DAB1: variants seen among roughly 807,000 people sequenced by gnomAD.
DAB1 encodes the protein disabled homolog 1.
A neutral mutation model predicts 64.6 loss-of-function variants in DAB1; 15 were observed. The observed-to-expected ratio is 0.23, with a 90% CI of 0.16 to 0.36. The LOEUF is 0.36. Ranked by LOEUF, DAB1 falls within the 10% of genes least tolerant of loss-of-function variation. The probability of loss-of-function intolerance (pLI) is 1.00; values close to 1 mark genes in which losing one functional copy is unlikely to be tolerated. For missense variants in DAB1, 596 were observed against 706.7 expected (o/e 0.84, Z 1.78); for synonymous variants, 235 against 251.9 (o/e 0.93, Z 0.64).
At position 57,868,519 on chromosome 1, in the gene DAB1, T is replaced by C. The variant is rs77696500; in HGVS notation, n.87+15480A>G. On this transcript the variant is annotated intron_variant and non_coding_transcript_variant, in intron 1 of 1. Transcript: ENST00000477280. ...CATTACGTTGGAGTTACTGACCTCT[T>C]AGGGCAGACAATTATGTGGTGTGGA... 5.1e-3 allele frequency among the ~76,000 whole-genome samples: 774 copies of C among 152,266 alleles called. 4 individuals are homozygous for C. The highest frequency in any genetic ancestry group is 0.017 in the African/African-American group (692 of 41,566).
intron 3 of DAB1, among the ~76,000 whole-genome samples, chr1:58,351,736 G>A (rs370356090): frequency 6.6e-6 from 1 of 151,188 alleles, no homozygotes; most frequent in Middle Eastern, 3.4e-3. Context: ...TAACAAAAAG[G>A]AAAATTTCAG....
intron 3 of DAB1, among the ~76,000 whole-genome samples, chr1:58,349,127 T>C (rs1255285927): frequency 6.6e-6 from 1 of 152,222 alleles, no homozygotes; most frequent in Non-Finnish European, 1.5e-5. Context: ...GACATCAGGA[T>C]GCTGATCACT....
intron 2 of DAB1, among the ~76,000 whole-genome samples, chr1:58,522,851 T>C (rs561982195): frequency 6.6e-6 from 1 of 152,336 alleles, no homozygotes; most frequent in East Asian, 1.9e-4. Flanking sequence ...AAGTGGATCA[T>C]CATAAATGTC....
rs1250384927 is a variant in DAB1 at position 58,249,314 on chromosome 1, C to T, written n.309+94038G>A. Among the ~76,000 whole-genome samples, 4 of 152,100 alleles carry T rather than the reference C, an allele frequency of 2.6e-5. 1 individual carries two copies. In the South Asian group the frequency reaches 8.3e-4, roughly 32 times the overall value. On this transcript the variant is annotated intron_variant and non_coding_transcript_variant, in intron 4 of 20. Coordinates refer to the DAB1 transcript ENST00000485760. ...CCTATCTTTTCGGAACAGCTCCCCC[C>T]GCCCCGCCCCACACCCCACCTGGGC... is the stretch of plus-strand genomic sequence containing the variant.
intron 3 of DAB1, among the ~76,000 whole-genome samples, chr1:58,378,867 G>A (rs1644356908): frequency 2.3e-5 from 2 of 85,296 alleles, no homozygotes; most frequent in Non-Finnish European, 4.5e-5. Flanking sequence ...GCCAGGTGTG[G>A]GATATAGTCT....
intron 7 of DAB1, among the ~76,000 whole-genome samples, chr1:57,573,281 G>A (rs1281545381): frequency 2.6e-5 from 4 of 152,000 alleles, no homozygotes; most frequent in East Asian, 1.9e-4. Flanking sequence ...ACATGGAGAC[G>A]TGGTCTCACT....
intron 14 of DAB1, among the ~76,000 whole-genome samples, chr1:57,002,220 A>C (rs1230823709): frequency 2.0e-5 from 3 of 152,214 alleles, no homozygotes; most frequent in Admixed American, 6.5e-5. Context: ...ATTTTCTCGA[A>C]GGTGCAGTAA....
intron 1 of DAB1, among the ~76,000 whole-genome samples, chr1:57,365,886 TGA>T (rs1355703116): frequency 6.6e-6 from 1 of 152,190 alleles, no homozygotes; most frequent in East Asian, 1.9e-4. Flanking sequence ...CTGTAAGCAA[TGA>T]GAAACTGGTA....
chr1:57,552,515 G>T (rs191422420), intron 7 of DAB1, among the ~76,000 whole-genome samples: 1 of 152,202 alleles, frequency 6.6e-6, no homozygotes, highest in African/African-American at 2.4e-5. Context: ...GTTCCTGGAA[G>T]ATAGGATTGC....
At chr1:58,150,317 C>G (rs1192965834) in intron 5 of DAB1, among the ~76,000 whole-genome samples, 1 of 152,148 alleles carries the variant, frequency 6.6e-6, no homozygotes, top group Non-Finnish European at 1.5e-5. Flanking sequence ...CTACAAAACC[C>G]AGAAGCAGCA....
intron 7 of DAB1, among the ~76,000 whole-genome samples, chr1:57,590,782 A>ACACACACC (rs1491356045): frequency 4.0e-5 from 5 of 126,490 alleles, no homozygotes; most frequent in Admixed American, 3.2e-4. Context: ...ACACACACAC[A>ACACACACC]CCCCACTCAC....
rs536786288 is a variant in DAB1 at position 57,189,921 on chromosome 1, G to A, written c.68-44492C>T. On this transcript the variant is annotated intron_variant, in intron 2 of 14. Transcript: ENST00000371236. Reference sequence around the variant, plus strand: ...CCAAGAGCTCCTGCAGAATACCTGAGAGTGTACAGCAGCTGATGCTAGGAC... The same window carrying A: ...CCAAGAGCTCCTGCAGAATACCTGAAAGTGTACAGCAGCTGATGCTAGGAC... Among the ~76,000 whole-genome samples, 96 of 151,990 alleles carry A rather than the reference G, an allele frequency of 6.3e-4. No individual in the cohort carries two copies. In the South Asian group the frequency reaches 0.011, roughly 17 times the overall value.
chr1:58,305,396 T>C (rs1662282720), intron 4 of DAB1, among the ~76,000 whole-genome samples: 1 of 152,232 alleles, frequency 6.6e-6, no homozygotes, highest in South Asian at 2.1e-4. Flanking sequence ...ATTTTGTTTA[T>C]TTTTACTGGA....
At position 58,041,979 on chromosome 1, in the gene DAB1, T is replaced by C. The variant is rs565161957; in HGVS notation, n.387+108532A>G. On this transcript the variant is annotated intron_variant and non_coding_transcript_variant, in intron 5 of 20. Coordinates refer to the DAB1 transcript ENST00000485760. ...TGGACTTTGGATGATTCATAAATAG[T>C]AGAAGCCACAAATATCCATCCTTAT... 8.5e-5 allele frequency among the ~76,000 whole-genome samples: 13 copies of C among 152,330 alleles called. No individual in the cohort carries two copies. In the South Asian group the frequency reaches 2.7e-3, roughly 32 times the overall value.
intron 6 of DAB1, among the ~76,000 whole-genome samples, chr1:57,655,138 A>C (rs1475722206): frequency 1.3e-5 from 2 of 152,078 alleles, no homozygotes; most frequent in Non-Finnish European, 2.9e-5. Context: ...TAATTACTAT[A>C]ATTTTATCCC....
chr1:58,537,514 A>C (rs1188490367), intron 1 of DAB1, among the ~76,000 whole-genome samples: 3 of 151,998 alleles, frequency 2.0e-5, no homozygotes, highest in Non-Finnish European at 4.4e-5. Flanking sequence ...ACATCTGAGA[A>C]GGTCCAATTT....
intron 4 of DAB1, among the ~76,000 whole-genome samples, chr1:58,245,222 T>C (rs1288838982): frequency 6.6e-6 from 1 of 152,206 alleles, no homozygotes; most frequent in Non-Finnish European, 1.5e-5. Context: ...GAGCAGCTTC[T>C]GTCTGCCCCA....
intron 7 of DAB1, among the ~76,000 whole-genome samples, chr1:57,563,339 C>T (rs572792342): frequency 1.1e-4 from 16 of 152,284 alleles, no homozygotes; most frequent in African/African-American, 3.4e-4. Flanking sequence ...AGGAACAGCG[C>T]CAGTCTACAG....
chr1:58,051,079 AG>A (rs1647625443), intron 5 of DAB1, among the ~76,000 whole-genome samples: 1 of 152,136 alleles, frequency 6.6e-6, no homozygotes, highest in African/African-American at 2.4e-5. Context: ...TTTAAGTTCT[AG>A]GGTACATGTG....
Sources: gnomAD v4.1 joint callset for allele counts (sites outside exome capture counted in the v4.1 genomes callset) on GRCh38, gnomAD v4.1.1 for gene constraint, MANE v1.5 for transcripts, NCBI Gene and HGNC (gene_info 2026-07-23, HGNC 2026-07-21) for gene names.